LRP1B: variants seen among roughly 807,000 people sequenced by gnomAD.
LRP1B encodes the protein low-density lipoprotein receptor-related protein 1B.
Under a neutral mutation model 556.6 loss-of-function variants are expected in LRP1B, and 217 were observed. The ratio of observed to expected loss-of-function variants is 0.39; its 90% CI spans 0.35 to 0.44. The LOEUF is 0.44. LRP1B is among the 20% of genes least tolerant of loss of function. The probability of loss-of-function intolerance (pLI) is 1.00; values close to 1 mark genes in which losing one functional copy is unlikely to be tolerated. For synonymous variants in LRP1B, 2,047 were observed against 1,865.8 expected (o/e 1.10, Z -2.50); for missense variants, 5,053 against 5,620.8 (o/e 0.90, Z 3.23).
At chr2:140,630,416 T>A (rs974386200) in intron 41 of LRP1B, among the ~76,000 whole-genome samples, 1 of 152,200 alleles carries the variant, frequency 6.6e-6, no homozygotes, top group African/African-American at 2.4e-5. Flanking sequence ...TAAATCGATG[T>A]CATCATCCTG....
chr2:140,748,792 TTATATA>T (rs757484374), intron 35 of LRP1B, among the ~76,000 whole-genome samples: 6,303 of 48,258 alleles, frequency 0.13, 953 homozygotes, highest in Middle Eastern at 0.32. Flanking sequence ...ATAATATATA[TTATATA>T]CATATTATAT....
Position 141,048,754 on chromosome 2 carries a change from T to C in LRP1B, c.1789+232A>G, listed in dbSNP as rs369532561. 5.8e-4 allele frequency among the ~76,000 whole-genome samples: 88 copies of C among 152,228 alleles called. 1 individual carries two copies. Among genetic ancestry groups the C allele is most frequent in the South Asian group, 5.4e-3 (26 of 4,826 alleles). On this transcript the variant is annotated intron_variant, in intron 11 of 90. Coordinates refer to ENST00000389484, the MANE Select transcript of LRP1B (RefSeq NM_018557.3). ...AATAGTTCAGTTTTAATTCCGATAA[T>C]ATTTAGAATATAGTAGACAACACCA...
At chr2:142,124,865 G>C (rs1187703510) in intron 1 of LRP1B, among the ~76,000 whole-genome samples, 3 of 150,744 alleles carry the variant, frequency 2.0e-5, no homozygotes, top group Non-Finnish European at 4.4e-5. Context: ...TCTCAATTTA[G>C]GCTTTTCCTG....
At chr2:141,696,312 C>T (rs1207057357) in intron 2 of LRP1B, among the ~76,000 whole-genome samples, 1 of 151,896 alleles carries the variant, frequency 6.6e-6, no homozygotes, top group East Asian at 1.9e-4. Context: ...CAATAAAATA[C>T]TCATGTAACA....
intron 1 of LRP1B, among the ~76,000 whole-genome samples, chr2:142,115,554 T>TTATATATGTAATATATATTA (rs1707182604): frequency 5.0e-5 from 1 of 20,156 alleles, no homozygotes; most frequent in African/African-American, 1.2e-4. Flanking sequence ...AATATATATA[T>TTATATATGTAATATATATTA]TATATATGTA....
intron 7 of LRP1B, among the ~76,000 whole-genome samples, chr2:141,114,226 G>A (rs1700824417): frequency 6.6e-6 from 1 of 152,226 alleles, no homozygotes; most frequent in Non-Finnish European, 1.5e-5. Flanking sequence ...GTCTAAGGGT[G>A]TGCTACAATT....
chr2:140,695,102 C>G (rs1686382404), intron 41 of LRP1B, among the ~76,000 whole-genome samples: 1 of 150,740 alleles, frequency 6.6e-6, no homozygotes, highest in Non-Finnish European at 1.5e-5. Flanking sequence ...AGCTGTCTTT[C>G]TTAAGAATCC....
chr2:140,519,033 G>A (rs547587955), intron 49 of LRP1B, among the ~76,000 whole-genome samples: 127 of 152,208 alleles, frequency 8.3e-4, no homozygotes, highest in African/African-American at 3.0e-3. Context: ...TGGCCATACT[G>A]CCCAAGGTAA....
At chr2:141,038,990 G>A (rs2177770) in intron 11 of LRP1B, among the ~76,000 whole-genome samples, 128,022 of 151,988 alleles carry the variant, frequency 0.84, 54,265 homozygotes, top group South Asian at 0.92. Flanking sequence ...TTCACCTTCC[G>A]TGGTTTCAGT....
chr2:140,514,229 C>A (rs188158201), intron 51 of LRP1B, among the ~76,000 whole-genome samples: 1 of 152,012 alleles, frequency 6.6e-6, no homozygotes, highest in Admixed American at 6.6e-5. Context: ...AGGATGAAAA[C>A]AACACACACA....
chr2:140,608,982 C>T (rs1682971097), intron 41 of LRP1B, among the ~76,000 whole-genome samples: 1 of 152,128 alleles, frequency 6.6e-6, no homozygotes, highest in South Asian at 2.1e-4. Context: ...TTTCATGTCA[C>T]TACTACTGGA....
Position 141,624,036 on chromosome 2 carries a change from C to CAAAAAAAAAAAAAAAAAAAAAAAAAA in LRP1B, c.206-143504_206-143503insTTTTTTTTTTTTTTTTTTTTTTTTTT. ...AACTCAAAAAAAAAAAAAAATTAAA[C>CAAAAAAAAAAAAAAAAAAAAAAAAAA]AAAAAAAAAAAGAAAAGAAAAAAAA... On this transcript the variant is annotated intron_variant, in intron 2 of 90. Coordinates refer to ENST00000389484, the MANE Select transcript of LRP1B (RefSeq NM_018557.3). Among the ~76,000 whole-genome samples, 132 of 90,708 alleles carry CAAAAAAAAAAAAAAAAAAAAAAAAAA rather than the reference C, an allele frequency of 1.5e-3. 1 individual carries two copies. The highest frequency in any genetic ancestry group is 2.3e-3 in the African/African-American group (56 of 24,186). The allele number at this position is 90,708 out of a possible 152,430, so 59.5% of individuals were successfully genotyped here. A position where few individuals can be genotyped will look rare whatever the true frequency, so the allele number is the denominator to read the frequency against.
intron 20 of LRP1B, among the ~76,000 whole-genome samples, chr2:140,941,301 C>G (rs1695395085): frequency 6.6e-6 from 1 of 152,060 alleles, no homozygotes; most frequent in African/African-American, 2.4e-5. Context: ...TACTCTTCTT[C>G]CATGGAGAGG....
chr2:140,289,192 T>G (rs1683276636), intron 84 of LRP1B, among the ~76,000 whole-genome samples: 1 of 152,022 alleles, frequency 6.6e-6, no homozygotes, highest in South Asian at 2.1e-4. Context: ...ATAAACATGC[T>G]GCTGAAATTT....
At chr2:140,662,060 G>T (rs1685116968) in intron 41 of LRP1B, among the ~76,000 whole-genome samples, 1 of 151,888 alleles carries the variant, frequency 6.6e-6, no homozygotes, top group East Asian at 1.9e-4. Context: ...GTAGCCATAT[G>T]GAAATATTTA....
chr2:141,482,415 T>C (rs1682952101), intron 2 of LRP1B, among the ~76,000 whole-genome samples: 2 of 152,074 alleles, frequency 1.3e-5, no homozygotes, highest in Non-Finnish European at 2.9e-5. Flanking sequence ...CAAACACCTG[T>C]CACCCCAAAT....
At chr2:140,697,398 T>A (rs773218905) in intron 41 of LRP1B, among the ~76,000 whole-genome samples, 7 of 152,010 alleles carry the variant, frequency 4.6e-5, no homozygotes, top group Non-Finnish European at 1.0e-4. Flanking sequence ...CTTTTAATAC[T>A]CTATTATATG....
chr2:141,456,198 T>A (rs1216426678), intron 3 of LRP1B, among the ~76,000 whole-genome samples: 1 of 152,238 alleles, frequency 6.6e-6, no homozygotes, highest in African/African-American at 2.4e-5. Context: ...CCATTGTCAG[T>A]AAATGAAGTT....
chr2:141,206,023 A>G (rs1682261225), intron 6 of LRP1B, among the ~76,000 whole-genome samples: 1 of 152,070 alleles, frequency 6.6e-6, no homozygotes, highest in Non-Finnish European at 1.5e-5. Context: ...CTTGGAGAAA[A>G]TATGGGAGTC....
Sources: allele counts gnomAD v4.1 joint callset (sites outside exome capture counted in the v4.1 genomes callset), GRCh38; gene constraint gnomAD v4.1.1; transcripts MANE v1.5; gene names NCBI Gene and HGNC (gene_info 2026-07-23, HGNC 2026-07-21).